The following RNF144A variants were observed in gnomAD, a reference collection of about 807,000 sequenced individuals.
RNF144A encodes the protein ring finger protein 144A.
In RNF144A, 11 loss-of-function variants were observed where a neutral mutation model predicts 38.7. That is an observed-to-expected ratio of 0.28 (90% CI 0.18 to 0.47). The LOEUF (loss-of-function observed/expected upper bound fraction) is 0.47, where lower values mean the gene tolerates loss of function less well. Among genes scored for constraint, RNF144A ranks in the 20% least tolerant of loss-of-function variants. The pLI is 0.99. For synonymous variants in RNF144A, 149 were observed against 143.9 expected, an observed-to-expected ratio of 1.04 and a Z score of -0.25; for missense variants, 316 against 377.2, an observed-to-expected ratio of 0.84 and a Z score of 1.34.
rs1165015935 is a variant in RNF144A, at chr2:6,943,949, G to A, written c.-12+2802G>A. On this transcript the variant is annotated intron_variant, in intron 2 of 8. Coordinates refer to ENST00000320892, the MANE Select transcript of RNF144A (RefSeq NM_014746.6). The surrounding 1 kb of genome is among the most constrained non-coding windows in gnomAD (Gnocchi z 4.3). Reference sequence around the variant, plus strand: ...GGCTCCAGACTGAAAGAGCCACTCTGGGTGACTGCATGCTTCTCTAGACAG... The same window carrying A: ...GGCTCCAGACTGAAAGAGCCACTCTAGGTGACTGCATGCTTCTCTAGACAG... Among the ~76,000 whole-genome samples the A allele has an allele frequency of 6.6e-6, 1 of 152,170 alleles. No individual in the cohort carries two copies. The highest frequency in any genetic ancestry group is 2.1e-4 in the South Asian group (1 of 4,830).
chr2:6,926,791 C>T (rs1553324939), intron 1 of RNF144A, among the ~76,000 whole-genome samples: 1 of 152,210 alleles, frequency 6.6e-6, no homozygotes, highest in Non-Finnish European at 1.5e-5. Flanking sequence ...ATATCTTACT[C>T]TTTATTTCTA....
intron 2 of RNF144A, among the ~76,000 whole-genome samples, chr2:6,946,591 C>G (rs1490296594): frequency 6.6e-6 from 1 of 151,942 alleles, no homozygotes; most frequent in Non-Finnish European, 1.5e-5. Flanking sequence ...TAAGGTGAAA[C>G]CTCTTCTGGT....
At chr2:6,945,651 C>T (rs187599238) in intron 2 of RNF144A, among the ~76,000 whole-genome samples, 10 of 151,990 alleles carry the variant, frequency 6.6e-5, no homozygotes, top group African/African-American at 2.4e-4. Flanking sequence ...ATGCTTGAGG[C>T]TCCCAGGATA....
intron 2 of RNF144A, among the ~76,000 whole-genome samples, chr2:6,975,789 G>A (rs575375168): frequency 2.0e-5 from 3 of 152,336 alleles, no homozygotes; most frequent in East Asian, 3.9e-4. Context: ...TTGCACCACA[G>A]CACTCTAGCC....
downstream of RNF144A, among the ~76,000 whole-genome samples, chr2:7,072,835 CAGAA>C (rs1299496103): frequency 2.0e-5 from 3 of 152,182 alleles, no homozygotes; most frequent in Non-Finnish European, 4.4e-5. Context: ...TCTAGAAAAT[CAGAA>C]AGACCAGAAA....
At chr2:6,981,219 G>T (rs181074007) in intron 2 of RNF144A, among the ~76,000 whole-genome samples, 1 of 152,110 alleles carries the variant, frequency 6.6e-6, no homozygotes, top group Admixed American at 6.5e-5. Context: ...ATTAACATTC[G>T]GCTTCTTGTT....
At chr2:6,955,048 C>G (rs761100479) in intron 2 of RNF144A, among the ~76,000 whole-genome samples, 2 of 152,114 alleles carry the variant, frequency 1.3e-5, no homozygotes, top group Non-Finnish European at 2.9e-5. Flanking sequence ...AGGATTTCAT[C>G]ATGAAACATG....
chr2:6,935,743 A>C (rs1457535336), intron 1 of RNF144A, among the ~76,000 whole-genome samples: 2 of 151,666 alleles, frequency 1.3e-5, no homozygotes, highest in Non-Finnish European at 2.9e-5. Context: ...TTCCAGTGTT[A>C]ATGGTAACAG....
At chr2:6,992,417 C>T (rs1669456123) in intron 2 of RNF144A, among the ~76,000 whole-genome samples, 1 of 152,196 alleles carries the variant, frequency 6.6e-6, no homozygotes, top group African/African-American at 2.4e-5. Flanking sequence ...AGACGGGAGA[C>T]AGCGGGGAGA....
At chr2:7,057,508 C>T (rs547587306) in intron 6 of RNF144A, among the ~76,000 whole-genome samples, 1 of 152,324 alleles carries the variant, frequency 6.6e-6, no homozygotes, top group Non-Finnish European at 1.5e-5. Flanking sequence ...GCTAGATGCA[C>T]TTGGAAATGC....
chr2:7,060,568 A>C (rs1048003034), intron 6 of RNF144A, among the ~76,000 whole-genome samples: 20 of 152,228 alleles, frequency 1.3e-4, no homozygotes, highest in African/African-American at 4.8e-4. Flanking sequence ...ATGGAGAGAA[A>C]GATCACTGCA....
Position 6,995,512 on chromosome 2 carries a change from C to G in RNF144A, c.-11-1404C>G, listed in dbSNP as rs1474945767. Reference sequence around the variant, plus strand: ...AAGCTGAGGAGCAAGGAAGCCAGTCCAAGTCCCAAAATCTCAGAGGTAGGG... The same window carrying G: ...AAGCTGAGGAGCAAGGAAGCCAGTCGAAGTCCCAAAATCTCAGAGGTAGGG... On this transcript the variant is annotated intron_variant, in intron 2 of 8. Coordinates refer to ENST00000320892, the MANE Select transcript of RNF144A (RefSeq NM_014746.6). Among the ~76,000 whole-genome samples, 6 of 152,302 alleles carry G rather than the reference C, an allele frequency of 3.9e-5. No homozygotes were observed. The East Asian group carries it at 1.2e-3, about 29-fold the overall frequency.
In RNF144A at chr2:6,944,731, T is replaced by C. The variant is rs1471980108; in HGVS notation, c.-12+3584T>C. 6.6e-6 allele frequency among the ~76,000 whole-genome samples: 1 copy of C among 152,042 alleles called. No individual in the cohort carries two copies. Among genetic ancestry groups the C allele is most frequent in the Non-Finnish European group, 1.5e-5 (1 of 68,016 alleles). The stretch of plus-strand genomic sequence containing the variant: ...ACACATCACGAGGCCAAGTAGAATT[T>C]TGTGTTCTCTCTGTTGGCCACGCCC... On this transcript the variant is annotated intron_variant, in intron 2 of 8. Transcript: ENST00000320892. This position sits in a 1 kb window ranked among gnomAD's most constrained non-coding sequence, Gnocchi z 4.7.
chr2:7,048,755 A>G (rs1442853660), downstream of RNF144A, among the ~76,000 whole-genome samples: 2 of 152,224 alleles, frequency 1.3e-5, no homozygotes, highest in Non-Finnish European at 1.5e-5. Flanking sequence ...AGCAGAATTA[A>G]TCCAAGAGCC....
chr2:6,956,424 C>T (rs529773009), intron 2 of RNF144A, among the ~76,000 whole-genome samples: 1 of 152,304 alleles, frequency 6.6e-6, no homozygotes, highest in African/African-American at 2.4e-5. Flanking sequence ...CTCATCTGTA[C>T]ACCACACATC....
intron 3 of RNF144A, among the ~76,000 whole-genome samples, chr2:7,003,409 C>A (rs1670243509): frequency 6.6e-6 from 1 of 152,148 alleles, no homozygotes; most frequent in South Asian, 2.1e-4. Flanking sequence ...TTTTTTACAT[C>A]TTTTATAGCA....
chr2:6,972,324 G>C (rs1668046108), intron 2 of RNF144A, among the ~76,000 whole-genome samples: 2 of 152,182 alleles, frequency 1.3e-5, no homozygotes, highest in African/African-American at 4.8e-5. Context: ...CAAACTTTGG[G>C]AGATAACTTT....
Position 7,041,415 on chromosome 2 carries a change from T to C in RNF144A, c.*1655T>C. 1 of 985,870 alleles carries C rather than the reference T, an allele frequency of 1.0e-6. No homozygotes were observed. The highest frequency in any genetic ancestry group is 1.2e-6 in the Non-Finnish European group (1 of 829,926). The allele number at this position is 985,870 out of a possible 1,614,324, so 61.1% of individuals were successfully genotyped here. On this transcript the variant is annotated 3_prime_UTR_variant, in exon 9 of 9. Coordinates refer to ENST00000320892, the MANE Select transcript of RNF144A (RefSeq NM_014746.6). ...GATTTTCCTTATGAACCCGAAGCCATTTAGAAAATCCCTGTGTGTCAAAAT... is the reference window on the plus strand; with the variant it reads ...GATTTTCCTTATGAACCCGAAGCCACTTAGAAAATCCCTGTGTGTCAAAAT...
Position 6,993,609 on chromosome 2 carries a change from C to T in RNF144A, c.-11-3307C>T, listed in dbSNP as rs146424697. ...GGGGATTCCAGGGCCCTCTGTGGAG[C>T]GGTTAAGCTCTGCCTCTGGGTAATG... is the stretch of plus-strand genomic sequence containing the variant. On this transcript the variant is annotated intron_variant, in intron 2 of 8. Transcript: ENST00000320892. 2.0e-3 allele frequency among the ~76,000 whole-genome samples: 308 copies of T among 152,060 alleles called. 1 individual carries two copies. The highest frequency in any genetic ancestry group is 0.014 in the Middle Eastern group (4 of 294).
Sources: gnomAD v4.1 joint callset for allele counts (sites outside exome capture counted in the v4.1 genomes callset) on GRCh38, gnomAD v4.1.1 for gene constraint, Gnocchi (gnomAD v3.1) non-coding constraint, MANE v1.5 for transcripts, NCBI Gene and HGNC (gene_info 2026-07-23, HGNC 2026-07-21) for gene names.